CHRND: variants seen among roughly 807,000 people sequenced by gnomAD.
CHRND encodes acetylcholine receptor subunit delta.
Under a neutral mutation model 57.8 loss-of-function variants are expected in CHRND, and 40 were observed. That is an observed-to-expected ratio of 0.69 (90% confidence interval 0.54 to 0.90). The LOEUF (loss-of-function observed/expected upper bound fraction) is 0.90, where lower values mean the gene tolerates loss of function less well. CHRND is among the 40% of genes least tolerant of loss of function. The probability of loss-of-function intolerance (pLI) is 0.00; values close to 1 mark genes in which losing one functional copy is unlikely to be tolerated. For missense variants in CHRND, 634 were observed against 673.9 expected, an observed-to-expected ratio of 0.94 and a Z score of 0.66; for synonymous variants, 237 against 270.6, an observed-to-expected ratio of 0.88 and a Z score of 1.22.
At chr2:232,528,722 G>A (rs1159371928) in intron 5 of CHRND, 66 bp downstream of exon 5, 2 of 1,610,382 alleles carry the variant, frequency 1.2e-6, no homozygotes, top group Non-Finnish European at 1.7e-6. Flanking sequence ...GAAGGTGACT[G>A]AAGCACCCTC....
Position 232,535,547 on chromosome 2 carries a change from G to A in CHRND, c.*235G>A. The A allele has an allele frequency of 1.5e-6, 1 of 688,600 alleles. No homozygotes were observed. Among genetic ancestry groups the A allele is most frequent in the South Asian group, 1.5e-5 (1 of 66,612 alleles). 42.7% of individuals were successfully genotyped at this position (688,600 alleles called of 1,614,324 possible). ...CAGTGGGTGGGCAGGACGATTTGGGGGGAGGCCCGAGGCTGGCTCAGGGGC... is the reference window on the plus strand; with the variant it reads ...CAGTGGGTGGGCAGGACGATTTGGGAGGAGGCCCGAGGCTGGCTCAGGGGC... On this transcript the variant is annotated 3_prime_UTR_variant, in exon 12 of 12. Coordinates refer to ENST00000258385, the MANE Select transcript of CHRND (RefSeq NM_000751.3).
chr2:232,528,108 A>G (rs911330689), intron 3 of CHRND, among the ~76,000 whole-genome samples, 154 bp from the exon 4 acceptor site: 2 of 152,282 alleles, frequency 1.3e-5, no homozygotes, highest in Admixed American at 6.5e-5. Context: ...ACAGCTGTCC[A>G]TGACAGACCT....
rs377455260 is a variant in CHRND, at chr2:232,531,423, C to T, written c.892C>T (p.Arg298Cys). ...QSVFLLLISK[R>C]LPATSMAIPL... ...TGTCTTCCTGCTGCTCATCTCCAAGCGTCTGCCTGCCACATCCATGGCCAT... is the reference window on the plus strand; with the variant it reads ...TGTCTTCCTGCTGCTCATCTCCAAGTGTCTGCCTGCCACATCCATGGCCAT... The change falls in exon 8 of 12, where the codon CGT (arginine) becomes TGT (cysteine). Residue 298 changes from arginine to cysteine, a missense_variant. Physicochemically the swap from Arg to Cys is radical, Grantham distance 180 (BLOSUM62 -3). Transcript: ENST00000258385. 36 of 1,613,800 alleles carry T rather than the reference C, an allele frequency of 2.2e-5. No homozygotes were observed. The highest frequency in any genetic ancestry group is 1.6e-4 in the Middle Eastern group (1 of 6,084).
rs187055404 is a variant in CHRND, at chr2:232,531,421, A to G, written c.890A>G (p.Lys297Arg). Reference sequence around the variant, plus strand: ...TCTGTCTTCCTGCTGCTCATCTCCAAGCGTCTGCCTGCCACATCCATGGCC... The same window carrying G: ...TCTGTCTTCCTGCTGCTCATCTCCAGGCGTCTGCCTGCCACATCCATGGCC... Reference protein sequence around the residue: ...AQSVFLLLISKRLPATSMAIP... With the variant: ...AQSVFLLLISRRLPATSMAIP... Residue 297 changes from lysine to arginine, a missense_variant, in exon 8 of 12, where the codon AAG becomes AGG. By Grantham distance (26) the Lys-to-Arg change is conservative (BLOSUM62 2). Transcript: ENST00000258385. 36 of 1,613,566 alleles carry G rather than the reference A, an allele frequency of 2.2e-5. No individual in the cohort carries two copies. The East Asian group carries it at 6.7e-4, about 30-fold the overall frequency.
intron 6 of CHRND, 56 bp downstream of exon 6, chr2:232,529,027 C>A: frequency 1.6e-6 from 2 of 1,257,506 alleles, no homozygotes; most frequent in Non-Finnish European, 2.3e-6. Flanking sequence ...CACAGACACA[C>A]TGGCCCTGTC....
At chr2:232,532,392 C>T (rs764255100) in intron 9 of CHRND, among the ~76,000 whole-genome samples, 1 of 144,214 alleles carries the variant, frequency 6.9e-6, no homozygotes, top group Non-Finnish European at 1.5e-5. Flanking sequence ...CGCTTGAACT[C>T]GGGAGGTGGA....
chr2:232,531,495 C>T (rs1401809492), intron 8 of CHRND, 32 bp downstream of exon 8: 5 of 1,613,576 alleles, frequency 3.1e-6, no homozygotes, highest in Non-Finnish European at 4.2e-6. Context: ...CCTCACCCTG[C>T]TTGCCAGCCC....
chr2:232,526,387 T>C, intron 1 of CHRND, 120 bp downstream of exon 1: 1 of 1,514,624 alleles, frequency 6.6e-7, no homozygotes, highest in Non-Finnish European at 9.0e-7. Flanking sequence ...GGGGGCCGCC[T>C]TCTGGGGTCC....
Position 232,528,247 on chromosome 2 carries a change from C to A in CHRND, c.244-15C>A, listed in dbSNP as rs1325005694. On this transcript the variant is annotated splice_polypyrimidine_tract_variant and intron_variant, in intron 3 of 11. Transcript: ENST00000258385. ...GGCTGCAGAGTGCACTGGTGACATG[C>A]CTTTGGGATTCCAGGGCTGGACAGA... is the stretch of plus-strand genomic sequence containing the variant. 6.2e-7 allele frequency: 1 copy of A among 1,612,702 alleles called. No homozygotes were observed. Among genetic ancestry groups the A allele is most frequent in the Non-Finnish European group, 8.5e-7 (1 of 1,178,804 alleles).
chr2:232,531,659 G>T lies in CHRND; in HGVS notation c.1047+3G>T. On this transcript the variant is annotated splice_donor_region_variant and intron_variant, in intron 9 of 11. Coordinates refer to ENST00000258385, the MANE Select transcript of CHRND (RefSeq NM_000751.3). The stretch of plus-strand genomic sequence containing the variant: ...TGCTGTCTGAGGGGGTCAAGAAGGT[G>T]AGTACTTGGCCCGGCGCAAAAGCTC... 1 of 1,610,472 alleles carries T rather than the reference G, an allele frequency of 6.2e-7. No homozygotes were observed. The highest frequency in any genetic ancestry group is 1.1e-5 in the South Asian group (1 of 91,034).
Position 232,533,950 on chromosome 2 carries a change from C to T in CHRND, c.1067C>T (p.Pro356Leu), listed in dbSNP as rs200671975. ...GVKKLFLETL[P>L]ELLHMSRPAE... is the part of the protein sequence containing the mutation. ...CCCCAGCTCTTCCTGGAGACCCTGC[C>T]GGAGCTCCTGCACATGTCCCGCCCA... Residue 356 changes from proline to leucine, a missense_variant, in exon 10 of 12, where the codon CCG (proline) becomes CTG (leucine). Coordinates refer to ENST00000258385, the MANE Select transcript of CHRND (RefSeq NM_000751.3). 80 of 1,612,980 alleles carry T rather than the reference C, an allele frequency of 5.0e-5. No homozygotes were observed. In the African/African-American group the frequency reaches 6.1e-4, roughly 12 times the overall value.
rs1199523795 is a variant in CHRND, at chr2:232,528,898, C to A, written c.546C>A (p.Ser182Arg). The A allele has an allele frequency of 6.2e-7, 1 of 1,614,110 alleles. No individual in the cohort carries two copies. Among genetic ancestry groups the A allele is most frequent in the Admixed American group, 1.7e-5 (1 of 60,018 alleles). ...LKYTAKEITL[S>R]LKQDAKENRT... Reference sequence around the variant, plus strand: ...ATACGGCCAAAGAGATCACCCTGAGCCTGAAACAGGATGCCAAGGAGAACC... The same window carrying A: ...ATACGGCCAAAGAGATCACCCTGAGACTGAAACAGGATGCCAAGGAGAACC... Residue 182 changes from serine to arginine, a missense_variant, in exon 6 of 12, where the codon AGC becomes AGA. Coordinates refer to ENST00000258385, the MANE Select transcript of CHRND (RefSeq NM_000751.3).
intron 11 of CHRND, 35 bp from the exon 12 acceptor site, chr2:232,535,095 C>T (rs1691836339): frequency 5.6e-6 from 9 of 1,611,966 alleles, no homozygotes; most frequent in Non-Finnish European, 7.6e-6. Context: ...GGCCTGAGGC[C>T]CTTCTCACCC....
At position 232,533,747 on chromosome 2, in the gene CHRND, G is replaced by A. The variant is rs138635820; in HGVS notation, c.1048-184G>A. Among the ~76,000 whole-genome samples, 392 of 151,824 alleles carry A rather than the reference G, an allele frequency of 2.6e-3. 3 individuals carry two copies. The highest frequency in any genetic ancestry group is 8.5e-3 in the African/African-American group (352 of 41,468). ...ACAAAAATTAGCTGGGCATGGTGGC[G>A]CGTGCCTGTAGTCCCAACTACTTGG... On this transcript the variant is annotated intron_variant, in intron 9 of 11. Coordinates refer to ENST00000258385, the MANE Select transcript of CHRND (RefSeq NM_000751.3).
chr2:232,535,171 C>G lies in CHRND; in HGVS notation c.1413C>G (p.Arg471=), dbSNP rs766187603. 1.2e-6 allele frequency: 2 copies of G among 1,614,218 alleles called. No homozygotes were observed. The highest frequency in any genetic ancestry group is 1.7e-6 in the Non-Finnish European group (2 of 1,180,030). Residue 471 remains arginine (R), a synonymous_variant, in exon 12 of 12, where the codon CGC becomes CGG. Transcript: ENST00000258385. ...SWNRVARTVD[R]LCLFVVTPVM... ...ACCGAGTGGCCCGCACAGTGGACCGCCTCTGCCTGTTTGTGGTGACGCCTG... is the reference window on the plus strand; with the variant it reads ...ACCGAGTGGCCCGCACAGTGGACCGGCTCTGCCTGTTTGTGGTGACGCCTG...
At chr2:232,527,310 A>AAAAAGAGAG in intron 2 of CHRND, 91 bp from the exon 3 acceptor site, 28 of 912,994 alleles carry the variant, frequency 3.1e-5, no homozygotes, top group South Asian at 2.7e-4. Context: ...TGGAAAAAAA[A>AAAAAGAGAG]AGAGAGAGAG....
rs757411934 is a variant in CHRND, at chr2:232,531,347, C to A, written c.821-5C>A. 9 of 1,609,938 alleles carry A rather than the reference C, an allele frequency of 5.6e-6. No homozygotes were observed. The South Asian group carries it at 8.8e-5, about 16-fold the overall frequency. Reference sequence around the variant, plus strand: ...CAAGGTCACAGCTAAGTCTGGCTTCCCCAGGTGGTGAGAAGACATCAGTGG... The same window carrying A: ...CAAGGTCACAGCTAAGTCTGGCTTCACCAGGTGGTGAGAAGACATCAGTGG... On this transcript the variant is annotated splice_region_variant and splice_polypyrimidine_tract_variant and intron_variant, in intron 7 of 11. Coordinates refer to ENST00000258385, the MANE Select transcript of CHRND (RefSeq NM_000751.3).
In CHRND at chr2:232,536,466, C is replaced by T. The variant is rs1691895782; in HGVS notation, c.*1154C>T. The T allele has an allele frequency of 2.2e-6, 1 of 453,854 alleles. No individual in the cohort carries two copies. The highest frequency in any genetic ancestry group is 1.6e-5 in the South Asian group (1 of 64,486). 28.1% of individuals were successfully genotyped at this position (453,854 alleles called of 1,614,324 possible). ...GGCCCACATGGCAAGGAACTAAGGC[C>T]TCCTGCCAACAGCCACGTGAGTGAA... On this transcript the variant is annotated 3_prime_UTR_variant, in exon 12 of 12. Coordinates refer to ENST00000258385, the MANE Select transcript of CHRND (RefSeq NM_000751.3).
chr2:232,527,517 G>A (rs1469934772), intron 3 of CHRND, 72 bp downstream of exon 3: 5 of 1,130,352 alleles, frequency 4.4e-6, no homozygotes, highest in African/African-American at 3.1e-5. Flanking sequence ...GGCCGAGGGG[G>A]GTGGATCACG....
Sources: gnomAD v4.1 joint callset for allele counts (sites outside exome capture counted in the v4.1 genomes callset) on GRCh38, gnomAD v4.1.1 for gene constraint, MANE v1.5 for transcripts, NCBI Gene and HGNC (gene_info 2026-07-23, HGNC 2026-07-21) for gene names.